The following KCNMB2 variants were observed in gnomAD, a reference collection of about 807,000 sequenced individuals.
KCNMB2 encodes the protein calcium-activated potassium channel subunit beta-2.
Under a neutral mutation model 24.5 loss-of-function variants are expected in KCNMB2, and 9 were observed. The ratio of observed to expected loss-of-function variants is 0.37; its 90% confidence interval spans 0.22 to 0.64. KCNMB2 has a LOEUF of 0.64. Ranked by LOEUF, KCNMB2 falls within the 30% of genes least tolerant of loss-of-function variation. KCNMB2 has a pLI of 0.63. For missense variants in KCNMB2, 226 were observed against 284.3 expected (o/e 0.79, Z 1.47); for synonymous variants, 109 against 104.4 (o/e 1.04, Z -0.27).
chr3:178,703,187 C>T (rs1402598905), intron 1 of KCNMB2, among the ~76,000 whole-genome samples: 2 of 151,988 alleles, frequency 1.3e-5, no homozygotes, highest in African/African-American at 4.8e-5. Flanking sequence ...TATTAATAAC[C>T]ATCTATTCAG....
At chr3:178,571,556 T>C (rs1020054637) in intron 1 of KCNMB2, among the ~76,000 whole-genome samples, 1 of 151,048 alleles carries the variant, frequency 6.6e-6, no homozygotes, top group Non-Finnish European at 1.5e-5. Flanking sequence ...GGGATACATG[T>C]GCAGAACATG....
intron 2 of KCNMB2, among the ~76,000 whole-genome samples, chr3:178,822,969 A>T (rs1189731070): frequency 1.3e-5 from 2 of 152,238 alleles, no homozygotes; most frequent in African/African-American, 4.8e-5. Flanking sequence ...TATGGCAGCC[A>T]TCAGAGTTAA....
At chr3:178,562,917 T>C (rs1315687724) in intron 1 of KCNMB2, among the ~76,000 whole-genome samples, 1 of 152,160 alleles carries the variant, frequency 6.6e-6, no homozygotes, top group East Asian at 1.9e-4. Flanking sequence ...AGAAAGATAG[T>C]CAAATTCCTT....
intron 1 of KCNMB2, among the ~76,000 whole-genome samples, chr3:178,564,005 G>A (rs2108467706): frequency 6.6e-6 from 1 of 151,100 alleles, no homozygotes; most frequent in South Asian, 2.1e-4. Context: ...TTCTGGCCAG[G>A]TGTGGTGGCT....
intron 2 of KCNMB2, among the ~76,000 whole-genome samples, chr3:178,818,648 G>A (rs1420634303): frequency 1.3e-5 from 2 of 152,044 alleles, no homozygotes; most frequent in African/African-American, 2.4e-5. Context: ...TCTAACACCT[G>A]AAACACTGGG....
rs561326909 is a variant in KCNMB2, at chr3:178,687,856, T to C, written c.-67-119487T>C. ...ATAGAATATTTCTGCAAACTACTTA[T>C]TTTTAAATAGGCTTTCTTCCAAAAG... On this transcript the variant is annotated intron_variant, in intron 1 of 4. Transcript: ENST00000452583. 7.9e-5 allele frequency among the ~76,000 whole-genome samples: 12 copies of C among 151,148 alleles called. No homozygotes were observed. The East Asian group carries it at 1.9e-3, about 24-fold the overall frequency.
intron 1 of KCNMB2, among the ~76,000 whole-genome samples, chr3:178,590,966 T>A (rs1717648098): frequency 6.6e-6 from 1 of 152,156 alleles, no homozygotes; most frequent in Non-Finnish European, 1.5e-5. Flanking sequence ...CATTTCAATG[T>A]TTTTTATTAT....
At chr3:178,612,777 G>T (rs2108517771) in intron 1 of KCNMB2, among the ~76,000 whole-genome samples, 1 of 151,938 alleles carries the variant, frequency 6.6e-6, no homozygotes, top group South Asian at 2.1e-4. Flanking sequence ...CTGTCATTTT[G>T]TTATTTGTTT....
intron 1 of KCNMB2, among the ~76,000 whole-genome samples, chr3:178,695,255 C>G (rs1201271588): frequency 6.6e-6 from 1 of 152,158 alleles, no homozygotes; most frequent in African/African-American, 2.4e-5. Context: ...AGCAGGGGGG[C>G]CCTGGACTCA....
chr3:178,697,970 G>T (rs757654259), intron 1 of KCNMB2, among the ~76,000 whole-genome samples: 7 of 152,074 alleles, frequency 4.6e-5, no homozygotes, highest in Non-Finnish European at 8.8e-5. Context: ...TAAGAGGTCT[G>T]CTGTTAGTCT....
At chr3:178,540,975 G>A (rs1250683605) in intron 1 of KCNMB2, among the ~76,000 whole-genome samples, 1 of 152,108 alleles carries the variant, frequency 6.6e-6, no homozygotes, top group African/African-American at 2.4e-5. Flanking sequence ...ATTGTCAAAC[G>A]AATGAACAAA....
intron 1 of KCNMB2, among the ~76,000 whole-genome samples, chr3:178,594,055 C>T (rs534721371): frequency 3.8e-4 from 57 of 151,826 alleles, no homozygotes; most frequent in Non-Finnish European, 7.2e-4. Flanking sequence ...TCCCTCCTTA[C>T]CTACCCAAGT....
chr3:178,814,017 C>T (rs1233881936), intron 2 of KCNMB2, among the ~76,000 whole-genome samples: 1 of 151,956 alleles, frequency 6.6e-6, no homozygotes, highest in Admixed American at 6.6e-5. Context: ...TAATCGTAGA[C>T]TCAGGAGGTA....
rs1235264081 is a variant in KCNMB2 at position 178,660,066 on chromosome 3, A to T, written c.-68+123355A>T. 2.6e-5 allele frequency among the ~76,000 whole-genome samples: 4 copies of T among 152,156 alleles called. 1 individual carries two copies. In the South Asian group the frequency reaches 8.3e-4, roughly 31 times the overall value. The stretch of plus-strand genomic sequence containing the variant: ...TCAGCCATTCCTTCTATCCTGCAGC[A>T]TGAGAGCCTCATAGCCAAGCAAAAG... On this transcript the variant is annotated intron_variant, in intron 1 of 4. Coordinates refer to ENST00000452583, the MANE Select transcript of KCNMB2 (RefSeq NM_181361.3).
At chr3:178,678,299 T>C (rs1721141596) in intron 1 of KCNMB2, among the ~76,000 whole-genome samples, 1 of 152,164 alleles carries the variant, frequency 6.6e-6, no homozygotes, top group Admixed American at 6.5e-5. Context: ...GGGTGGTGCA[T>C]GAATTAACCC....
At chr3:178,812,964 T>G (rs1714253933) in intron 2 of KCNMB2, among the ~76,000 whole-genome samples, 1 of 152,164 alleles carries the variant, frequency 6.6e-6, no homozygotes, top group Admixed American at 6.5e-5. Context: ...AGTTTTAAAA[T>G]CAGGTTGGCA....
At chr3:178,785,455 A>C (rs1713063378) in intron 1 of KCNMB2, among the ~76,000 whole-genome samples, 1 of 152,078 alleles carries the variant, frequency 6.6e-6, no homozygotes, top group Non-Finnish European at 1.5e-5. Context: ...ATAGTATTAC[A>C]AACATAATAT....
intron 1 of KCNMB2, among the ~76,000 whole-genome samples, chr3:178,750,190 C>T (rs1577147613): frequency 6.7e-6 from 1 of 149,856 alleles, no homozygotes; most frequent in Admixed American, 6.6e-5. Flanking sequence ...AGTAAGATAC[C>T]ATGATCTTAT....
At chr3:178,746,499 C>T (rs979559284) in intron 1 of KCNMB2, among the ~76,000 whole-genome samples, 8 of 152,098 alleles carry the variant, frequency 5.3e-5, no homozygotes, top group African/African-American at 1.9e-4. Context: ...CTCATTGTCT[C>T]GGGGATTAAC....
Sources: allele counts gnomAD v4.1 joint callset (sites outside exome capture counted in the v4.1 genomes callset), GRCh38; gene constraint gnomAD v4.1.1; transcripts MANE v1.5; gene names NCBI Gene and HGNC (gene_info 2026-07-23, HGNC 2026-07-21).